The following RASA3 variants were observed in gnomAD, a reference collection of about 807,000 sequenced individuals.
RASA3 encodes ras GTPase-activating protein 3.
Under a neutral mutation model 110.0 loss-of-function variants are expected in RASA3, and 73 were observed. The observed-to-expected ratio is 0.66, with a 90% confidence interval of 0.55 to 0.81. The LOEUF is 0.81. Among genes scored for constraint, RASA3 ranks in the 30% least tolerant of loss-of-function variants. RASA3 has a pLI of 0.00. For missense variants in RASA3, 976 were observed against 1,113.2 expected (o/e 0.88, Z 1.75); for synonymous variants, 500 against 451.4 (o/e 1.11, Z -1.37).
chr13:113,982,207 C>T (rs2052952578), intron 22 of RASA3, among the ~76,000 whole-genome samples: 1 of 152,234 alleles, frequency 6.6e-6, no homozygotes, highest in South Asian at 2.1e-4. Flanking sequence ...CCCGCCCAGC[C>T]AGAACCAGGA....
At chr13:114,026,909 G>A (rs1407568514) in intron 7 of RASA3, among the ~76,000 whole-genome samples, 3 of 152,214 alleles carry the variant, frequency 2.0e-5, no homozygotes, top group African/African-American at 7.2e-5. Context: ...GGTGCTTCAT[G>A]TTCTGAGAGG....
At chr13:114,127,637 A>C (rs1186596378) in intron 1 of RASA3, among the ~76,000 whole-genome samples, 1 of 152,198 alleles carries the variant, frequency 6.6e-6, no homozygotes, top group East Asian at 1.9e-4. Flanking sequence ...GGCAGGCTGC[A>C]GTGGTGAGCA....
chr13:114,073,857 T>C lies in RASA3; in HGVS notation c.56-20A>G. On this transcript the variant is annotated intron_variant, in intron 1 of 23. Coordinates refer to ENST00000334062, the MANE Select transcript of RASA3 (RefSeq NM_007368.4). ...CTTCACCTAAAAAGTAAAAGCGACA[T>C]ACATCATCAGCAGCGTAGAAATGTT... is the stretch of plus-strand genomic sequence containing the variant. 1.3e-6 allele frequency: 2 copies of C among 1,571,212 alleles called. No homozygotes were observed. Among genetic ancestry groups the C allele is most frequent in the Non-Finnish European group, 1.8e-6 (2 of 1,141,064 alleles).
rs570571086 is a variant in RASA3, at chr13:114,117,449, G to A, written c.55+14986C>T. On this transcript the variant is annotated intron_variant, in intron 1 of 23. Transcript: ENST00000334062. ...TGCTCCTGTATGCACATCTGTGGGTGAGCACGTGCGTGAGGGGTGCACATC... is the reference window on the plus strand; with the variant it reads ...TGCTCCTGTATGCACATCTGTGGGTAAGCACGTGCGTGAGGGGTGCACATC... 6.5e-3 allele frequency among the ~76,000 whole-genome samples: 927 copies of A among 143,618 alleles called. 7 individuals carry two copies. The highest frequency in any genetic ancestry group is 0.023 in the African/African-American group (881 of 38,170). The allele number at this position is 143,618 out of a possible 152,430, so 94.2% of individuals were successfully genotyped here. A position where few individuals can be genotyped will look rare whatever the true frequency, so the allele number is the denominator to read the frequency against.
At chr13:114,080,721 C>T (rs1481079533) in intron 1 of RASA3, among the ~76,000 whole-genome samples, 1 of 152,186 alleles carries the variant, frequency 6.6e-6, no homozygotes, top group Non-Finnish European at 1.5e-5. Context: ...CCCCAGGGGC[C>T]ACCTCCCAGG....
At chr13:114,016,350 T>A in intron 12 of RASA3, 79 bp from the exon 13 acceptor site, 2 of 1,072,576 alleles carry the variant, frequency 1.9e-6, no homozygotes, top group Non-Finnish European at 2.9e-6. Flanking sequence ...GTCTCAGGCC[T>A]GGCTGAGATG....
chr13:114,009,336 C>CG (rs1294365681), intron 17 of RASA3, 51 bp downstream of exon 17: 1 of 1,416,888 alleles, frequency 7.1e-7, no homozygotes, highest in East Asian at 2.3e-5. Context: ...AAAGAGAACT[C>CG]CGTCTCCTGA....
intron 2 of RASA3, among the ~76,000 whole-genome samples, chr13:114,070,978 CCGGCG>C (rs2079562217): frequency 7.0e-6 from 1 of 143,606 alleles, no homozygotes; most frequent in African/African-American, 2.6e-5. Context: ...GGCAGGGCTG[CCGGCG>C]TCCACGCTAA....
intron 4 of RASA3, among the ~76,000 whole-genome samples, chr13:114,035,049 C>T (rs1594361984): frequency 1.3e-5 from 2 of 151,518 alleles, no homozygotes; most frequent in East Asian, 2.0e-4. Context: ...CTGACCTGAG[C>T]TTAGAGCAGA....
At chr13:114,025,057 C>T (rs2139353450) in intron 7 of RASA3, among the ~76,000 whole-genome samples, 1 of 152,134 alleles carries the variant, frequency 6.6e-6, no homozygotes, top group East Asian at 1.9e-4. Flanking sequence ...CCGATTTAAC[C>T]ACCATCAGCC....
rs757995230 is a variant in RASA3 at position 114,007,521 on chromosome 13, T to C, written c.1742+12A>G. On this transcript the variant is annotated intron_variant, in intron 18 of 23. Transcript: ENST00000334062. ...CCTCCTGCCCTGCCAGACGCCACCTTACCCTCCTTACCCTTCTTTAAGCAC... is the reference window on the plus strand; with the variant it reads ...CCTCCTGCCCTGCCAGACGCCACCTCACCCTCCTTACCCTTCTTTAAGCAC... 8.1e-6 allele frequency: 13 copies of C among 1,606,790 alleles called. No homozygotes were observed. Among genetic ancestry groups the C allele is most frequent in the Middle Eastern group, 1.7e-4 (1 of 6,042 alleles).
intron 22 of RASA3, among the ~76,000 whole-genome samples, 171 bp from the exon 23 acceptor site, chr13:113,982,029 C>T (rs565864197): frequency 7.9e-5 from 12 of 152,340 alleles, no homozygotes; most frequent in African/African-American, 2.6e-4. Flanking sequence ...AAACCATTCC[C>T]GCAGGTAGGC....
At chr13:114,002,517 C>T (rs962325703) in intron 18 of RASA3, among the ~76,000 whole-genome samples, 13 of 152,146 alleles carry the variant, frequency 8.5e-5, no homozygotes, top group African/African-American at 2.9e-4. Context: ...GGGAGCTCCA[C>T]GACATGCCGG....
chr13:113,991,113 A>G (rs113626564), intron 22 of RASA3, among the ~76,000 whole-genome samples: 1 of 127,626 alleles, frequency 7.8e-6, no homozygotes, highest in Admixed American at 7.9e-5. Flanking sequence ...GGGCAGCTGC[A>G]CGGACACCCA....
intron 4 of RASA3, among the ~76,000 whole-genome samples, chr13:114,030,420 TCA>T (rs2139389887): frequency 1.3e-5 from 1 of 78,366 alleles, no homozygotes; most frequent in East Asian, 3.5e-4. Flanking sequence ...AGAGCAAGAC[TCA>T]CACAGAGGGC....
intron 4 of RASA3, among the ~76,000 whole-genome samples, chr13:114,033,157 AC>A (rs2054207573): frequency 2.4e-5 from 1 of 41,666 alleles, no homozygotes; most frequent in Non-Finnish European, 4.4e-5. Context: ...ACCCCACGGC[AC>A]CCCCACACTG....
rs1341592972 is a variant in RASA3 at position 114,009,414 on chromosome 13, C to A, written c.1641G>T (p.Glu547Asp). 6.2e-7 allele frequency: 1 copy of A among 1,612,394 alleles called. No individual in the cohort carries two copies. The highest frequency in any genetic ancestry group is 8.5e-7 in the Non-Finnish European group (1 of 1,179,622). ...YMATFYEFFN[E>D]QKYADAVKNF... ...TCTTCACCGCATCAGCATATTTCTGCTCATTGAAGAATTCATAAAATGTAG... is the reference window on the plus strand; with the variant it reads ...TCTTCACCGCATCAGCATATTTCTGATCATTGAAGAATTCATAAAATGTAG... Residue 547 changes from glutamate to aspartate, a missense_variant, in exon 17 of 24, where the codon GAG becomes GAT. By Grantham distance (45) the Glu-to-Asp change is conservative. Around this residue, in one of 4 missense-constraint regions of RASA3, gnomAD observed 732 missense variants for 779.7 expected, o/e 0.94. Coordinates refer to ENST00000334062, the MANE Select transcript of RASA3 (RefSeq NM_007368.4).
chr13:114,001,287 C>A (rs933061723), intron 18 of RASA3, among the ~76,000 whole-genome samples: 1 of 149,054 alleles, frequency 6.7e-6, no homozygotes, highest in Non-Finnish European at 1.5e-5. Context: ...GGGAGGGCAG[C>A]GGACGCCCAC....
intron 3 of RASA3, among the ~76,000 whole-genome samples, chr13:114,050,826 A>G (rs1394675763): frequency 1.3e-5 from 2 of 152,190 alleles, no homozygotes; most frequent in East Asian, 1.9e-4. Context: ...GTTTTAGGAC[A>G]CTCAAGCTCT....
Sources: gnomAD v4.1 joint callset for allele counts (sites outside exome capture counted in the v4.1 genomes callset) on GRCh38, gnomAD v4.1.1 for gene constraint, gnomAD v4.1.1 regional missense constraint, MANE v1.5 for transcripts, NCBI Gene and HGNC (gene_info 2026-07-23, HGNC 2026-07-21) for gene names.